Variants in ABCC5 observed in about 807,000 individuals in gnomAD.
ABCC5 encodes ATP binding cassette subfamily C member 5, also known as ATP-binding cassette sub-family C member 5.
ABCC5 carries 61 observed loss-of-function variants against 160.9 expected under a neutral mutation model. The observed-to-expected ratio is 0.38, with a 90% CI of 0.31 to 0.47. The LOEUF is 0.47. ABCC5 is among the 20% of genes least tolerant of loss of function. The probability of loss-of-function intolerance (pLI) is 0.99; values close to 1 mark genes in which losing one functional copy is unlikely to be tolerated. For synonymous variants in ABCC5, 666 were observed against 700.6 expected, an observed-to-expected ratio of 0.95 and a Z score of 0.78; for missense variants, 1,308 against 1,813.3, an observed-to-expected ratio of 0.72 and a Z score of 5.06.
intron 20 of ABCC5, 140 bp from the exon 21 acceptor site, chr3:183,950,265 T>C: frequency 2.0e-6 from 2 of 1,010,506 alleles, no homozygotes; most frequent in East Asian, 2.8e-5. Context: ...CAAAGAAAAA[T>C]TTAGAAACCT....
Position 183,951,636 on chromosome 3 carries a change from C to T in ABCC5, c.2815-66G>A, listed in dbSNP as rs765872874. 40 of 1,574,428 alleles carry T rather than the reference C, an allele frequency of 2.5e-5. No homozygotes were observed. Among genetic ancestry groups the T allele is most frequent in the South Asian group, 3.5e-5 (3 of 86,320 alleles). ...CTCTGTTCCTACTGGTCCAGAGAAC[C>T]GCTCCGCAGCACATCCACTCCCAAA... On this transcript the variant is annotated intron_variant, in intron 19 of 29. Coordinates refer to ENST00000334444, the MANE Select transcript of ABCC5 (RefSeq NM_005688.4). The surrounding 1 kb of genome is among the most constrained non-coding windows in gnomAD (Gnocchi z 4.7).
intron 5 of ABCC5, chr3:183,984,516 T>C (rs1352691666): frequency 9.0e-7 from 1 of 1,113,206 alleles, no homozygotes; most frequent in Non-Finnish European, 1.1e-6. Context: ...GTTAATTTCT[T>C]GTTTTTCCTG....
At chr3:183,979,561 C>T (rs531778503) in intron 8 of ABCC5, among the ~76,000 whole-genome samples, 3 of 152,244 alleles carry the variant, frequency 2.0e-5, no homozygotes, top group Admixed American at 1.3e-4. Flanking sequence ...TACTGAAGAC[C>T]GTGGAGCAGG....
chr3:183,956,294 T>A (rs532673304), intron 17 of ABCC5, among the ~76,000 whole-genome samples: 1 of 151,620 alleles, frequency 6.6e-6, no homozygotes, highest in East Asian at 2.0e-4. Flanking sequence ...GTATATCACA[T>A]CTGTTACATG....
chr3:183,972,035 C>T, intron 10 of ABCC5, 116 bp from the exon 11 acceptor site: 1 of 1,574,828 alleles, frequency 6.3e-7, no homozygotes, highest in Non-Finnish European at 8.6e-7. Flanking sequence ...TGGAAGGAAG[C>T]TGAAGGGCAA....
Position 183,927,383 on chromosome 3 carries a change from C to A in ABCC5, c.3994G>T (p.Val1332Leu). The A allele has an allele frequency of 1.2e-6, 2 of 1,613,932 alleles. No individual in the cohort carries two copies. The highest frequency in any genetic ancestry group is 1.7e-6 in the Non-Finnish European group (2 of 1,179,894). ...ATGCACAAGAGCTGCCGTTCCCCCA[C>A]TGAGAAGTTATCCCCATTCTCCATC... ...EVMENGDNFS[V>L]GERQLLCIAR... Residue 1332 changes from valine (V) to leucine (L), a missense_variant, in exon 28 of 30, where the codon GTG becomes TTG. Val to Leu is a conservative substitution (Grantham distance 32). Transcript: ENST00000334444.
intron 29 of ABCC5, among the ~76,000 whole-genome samples, chr3:183,924,457 C>T (rs2108754870): frequency 6.6e-6 from 1 of 152,228 alleles, no homozygotes; most frequent in South Asian, 2.1e-4. Flanking sequence ...AAGCACAGTG[C>T]CTGACACACA....
At position 183,988,763 on chromosome 3, in the gene ABCC5, C is replaced by T. The variant is rs1458317103; in HGVS notation, c.288-36G>A. On this transcript the variant is annotated intron_variant, in intron 3 of 29. Coordinates refer to ENST00000334444, the MANE Select transcript of ABCC5 (RefSeq NM_005688.4). This position sits in a 1 kb window ranked among gnomAD's most constrained non-coding sequence, Gnocchi z 4.4. ...AAAACCGAAATCACAAAGCTATCAA[C>T]ACGCACGGAGAGGGCAGCCCGTGTT... 1.9e-6 allele frequency: 3 copies of T among 1,604,520 alleles called. No homozygotes were observed. Among genetic ancestry groups the T allele is most frequent in the African/African-American group, 1.3e-5 (1 of 74,550 alleles).
Position 183,987,701 on chromosome 3 carries a change from G to C in ABCC5, c.591+69C>G. On this transcript the variant is annotated intron_variant, in intron 5 of 29. Coordinates refer to ENST00000334444, the MANE Select transcript of ABCC5 (RefSeq NM_005688.4). This position sits in a 1 kb window ranked among gnomAD's most constrained non-coding sequence, Gnocchi z 4.2. ...AAAGCTGAGCACAACCTCTGCAACAGAATAAGAGTGTTAGAGCTGGCCGTG... is the reference window on the plus strand; with the variant it reads ...AAAGCTGAGCACAACCTCTGCAACACAATAAGAGTGTTAGAGCTGGCCGTG... 1 of 1,603,832 alleles carries C rather than the reference G, an allele frequency of 6.2e-7. No individual in the cohort carries two copies. The highest frequency in any genetic ancestry group is 8.5e-7 in the Non-Finnish European group (1 of 1,173,572).
intron 28 of ABCC5, among the ~76,000 whole-genome samples, chr3:183,926,075 C>T (rs1311580825): frequency 1.0e-4 from 15 of 148,054 alleles, no homozygotes; most frequent in Admixed American, 8.7e-4. Flanking sequence ...CCTGACCTTG[C>T]GATCCACCTG....
chr3:184,001,124 G>A (rs1408103614), intron 2 of ABCC5: 6 of 416,438 alleles, frequency 1.4e-5, no homozygotes, highest in African/African-American at 2.0e-5. Flanking sequence ...ATGGTGGCAC[G>A]AGATTGTAGT....
rs550575528 is a variant in ABCC5, at chr3:183,958,524, A to AT, written c.2482+1208dup. On this transcript the variant is annotated intron_variant, in intron 17 of 29. Transcript: ENST00000334444. Reference sequence around the variant, plus strand: ...TTTTGGGGTGTGTCAATAAGGTATCATAAACCACACTTGAATTCAAAATCT... The same window carrying AT: ...TTTTGGGGTGTGTCAATAAGGTATCATTAAACCACACTTGAATTCAAAATCT... 4.7e-4 allele frequency among the ~76,000 whole-genome samples: 71 copies of AT among 152,356 alleles called. 1 individual carries two copies. The highest frequency in any genetic ancestry group is 6.8e-3 in the Middle Eastern group (2 of 294).
intron 2 of ABCC5, among the ~76,000 whole-genome samples, chr3:184,009,320 C>A (rs1721499890): frequency 6.6e-6 from 1 of 152,154 alleles, no homozygotes; most frequent in South Asian, 2.1e-4. Flanking sequence ...GTAGGCATAC[C>A]TGGCATCCTG....
intron 22 of ABCC5, among the ~76,000 whole-genome samples, chr3:183,948,732 C>T (rs1216453773): frequency 1.3e-5 from 2 of 151,842 alleles, no homozygotes; most frequent in South Asian, 2.1e-4. Context: ...GATGGAGTCT[C>T]GCTCTTGTCG....
intron 10 of ABCC5, 159 bp from the exon 11 acceptor site, chr3:183,972,078 C>A: frequency 6.8e-7 from 1 of 1,481,056 alleles, no homozygotes; most frequent in Non-Finnish European, 9.1e-7. Flanking sequence ...CAATCTCAGG[C>A]CCATCAAGGG....
Position 183,960,137 on chromosome 3 carries a change from T to G in ABCC5, c.2380-302A>C, listed in dbSNP as rs375064708. Among the ~76,000 whole-genome samples the G allele has an allele frequency of 2.6e-5, 4 of 152,142 alleles. No homozygotes were observed. The East Asian group carries it at 7.7e-4, about 29-fold the overall frequency. On this transcript the variant is annotated intron_variant, in intron 16 of 29. Coordinates refer to ENST00000334444, the MANE Select transcript of ABCC5 (RefSeq NM_005688.4). ...GTATTAGGCATGGGGTCATTTCCAT[T>G]CCTCCTCTCTGAGCCCACATCACTA...
At chr3:183,945,694 C>T (rs1323149479) in intron 24 of ABCC5, among the ~76,000 whole-genome samples, 156 bp downstream of exon 24, 2 of 152,176 alleles carry the variant, frequency 1.3e-5, no homozygotes, top group Non-Finnish European at 2.9e-5. Flanking sequence ...TAATCTCTTT[C>T]CCATTCCAAG....
chr3:183,957,361 C>T (rs370704883), intron 17 of ABCC5, among the ~76,000 whole-genome samples: 5 of 124,618 alleles, frequency 4.0e-5, no homozygotes, highest in East Asian at 6.6e-4. Flanking sequence ...CGGTTACATG[C>T]GGGTCCGTGT....
chr3:184,014,364 T>C lies in ABCC5; in HGVS notation c.29A>G (p.Tyr10Cys), dbSNP rs1225252686. The C allele has an allele frequency of 6.2e-7, 1 of 1,613,810 alleles. No individual in the cohort carries two copies. The highest frequency in any genetic ancestry group is 1.3e-5 in the African/African-American group (1 of 75,022). The change falls in exon 2 of 30, where the codon TAT becomes TGT. Residue 10 changes from tyrosine (Y) to cysteine (C), a missense_variant. Physicochemically the swap from Tyr to Cys is radical, Grantham distance 194. Transcript: ENST00000334444. MKDIDIGKE[Y>C]IIPSPGYRSV... ...TCTATACCCAGGACTGGGGATGATA[T>C]ACTCTTTTCCTATGTCGATATCCTT...
Sources: allele counts gnomAD v4.1 joint callset (sites outside exome capture counted in the v4.1 genomes callset), GRCh38; gene constraint gnomAD v4.1.1; non-coding constraint Gnocchi (gnomAD v3.1); transcripts MANE v1.5; gene names NCBI Gene and HGNC (gene_info 2026-07-23, HGNC 2026-07-21).